The following LAMP1 variants were observed in gnomAD, a reference collection of about 807,000 sequenced individuals.
LAMP1 encodes the protein lysosome associated membrane protein 1, also known as lysosome-associated membrane glycoprotein 1.
In LAMP1, 7 loss-of-function variants were observed where a neutral mutation model predicts 37.5. The ratio of observed to expected loss-of-function variants is 0.19; its 90% CI spans 0.11 to 0.35. The LOEUF (loss-of-function observed/expected upper bound fraction) is 0.35, where lower values mean the gene tolerates loss of function less well. Among genes scored for constraint, LAMP1 ranks in the 10% least tolerant of loss-of-function variants. LAMP1 has a pLI of 1.00. For synonymous variants in LAMP1, 236 were observed against 229.1 expected, an observed-to-expected ratio of 1.03 and a Z score of -0.27; for missense variants, 537 against 552.8, an observed-to-expected ratio of 0.97 and a Z score of 0.29.
chr13:113,323,105 C>A lies in LAMP1; in HGVS notation c.*684C>A, dbSNP rs2042715181. On this transcript the variant is annotated 3_prime_UTR_variant, in exon 9 of 9. Coordinates refer to ENST00000332556, the MANE Select transcript of LAMP1 (RefSeq NM_005561.4). ...ACTCCAGAGATGAGTGTCTGGAGCG[C>A]TTCAGTTCAGCTTTAAAGGCCAGGA... 1 of 152,200 alleles carries A rather than the reference C, an allele frequency of 6.6e-6. No individual in the cohort carries two copies. 9.4% of individuals were successfully genotyped at this position (152,200 alleles called of 1,614,324 possible).
intron 1 of LAMP1, among the ~76,000 whole-genome samples, chr13:113,301,492 G>A (rs896435577): frequency 6.6e-6 from 1 of 151,482 alleles, no homozygotes; most frequent in Non-Finnish European, 1.5e-5. Context: ...GCATGGTGGC[G>A]TACCCCTGTA....
intron 4 of LAMP1, 111 bp downstream of exon 4, chr13:113,310,978 C>G (rs1002297108): frequency 1.2e-6 from 1 of 860,958 alleles, no homozygotes; most frequent in Non-Finnish European, 1.8e-6. Flanking sequence ...GCCTGGAACG[C>G]GTGTGCACAC....
intron 4 of LAMP1, among the ~76,000 whole-genome samples, chr13:113,314,884 C>T (rs533004221): frequency 8.5e-4 from 102 of 120,544 alleles, no homozygotes; most frequent in African/African-American, 3.0e-3. Flanking sequence ...GTGCCTGGGG[C>T]GTGGCCTCCT....
chr13:113,320,486 C>T lies in LAMP1; in HGVS notation c.876+16C>T. On this transcript the variant is annotated intron_variant, in intron 6 of 8. Coordinates refer to ENST00000332556, the MANE Select transcript of LAMP1 (RefSeq NM_005561.4). The surrounding 1 kb of genome is among the most constrained non-coding windows in gnomAD (Gnocchi z 4.4). ...GTTCGGGATGGTGAGGCTGGGGCGGCACCTCTCTGGGGGCGCCCACTGTGT... is the reference window on the plus strand; with the variant it reads ...GTTCGGGATGGTGAGGCTGGGGCGGTACCTCTCTGGGGGCGCCCACTGTGT... The T allele has an allele frequency of 6.2e-7, 1 of 1,602,990 alleles. No homozygotes were observed. The highest frequency in any genetic ancestry group is 8.5e-7 in the Non-Finnish European group (1 of 1,178,762).
At chr13:113,316,698 G>A (rs1030647608) in intron 4 of LAMP1, among the ~76,000 whole-genome samples, 2 of 152,066 alleles carry the variant, frequency 1.3e-5, no homozygotes, top group Non-Finnish European at 2.9e-5. Flanking sequence ...TGGGATTACA[G>A]GCGTGAGCCA....
chr13:113,306,834 C>CCTTTTTTTT, intron 2 of LAMP1, among the ~76,000 whole-genome samples: 1 of 80,160 alleles, frequency 1.2e-5, no homozygotes, highest in South Asian at 5.8e-4. Flanking sequence ...GAACATTTTC[C>CCTTTTTTTT]TTTTTTTTTT....
chr13:113,301,993 C>T (rs1328665901), intron 1 of LAMP1, among the ~76,000 whole-genome samples: 1 of 148,594 alleles, frequency 6.7e-6, no homozygotes, highest in Non-Finnish European at 1.5e-5. Flanking sequence ...CTCCCGAGTA[C>T]CAGGGATTAC....
intron 1 of LAMP1, among the ~76,000 whole-genome samples, chr13:113,300,506 GAAAA>G (rs1340138428): frequency 1.5e-5 from 2 of 134,226 alleles, no homozygotes; most frequent in South Asian, 2.4e-4. Context: ...AAAAAAAAAA[GAAAA>G]AGAAAAGAAA....
intron 1 of LAMP1, among the ~76,000 whole-genome samples, chr13:113,304,089 A>T (rs749518174): frequency 1.3e-5 from 2 of 152,006 alleles, no homozygotes; most frequent in Non-Finnish European, 2.9e-5. Context: ...AAAAGCTGAA[A>T]CCCTCAGCAT....
rs2042694662 is a variant in LAMP1, at chr13:113,320,782, C to A, written c.876+312C>A. The A allele has an allele frequency of 7.7e-6, 3 of 391,320 alleles. No homozygotes were observed. In the South Asian group the frequency reaches 1.2e-4, roughly 16 times the overall value. 24.2% of individuals were successfully genotyped at this position (391,320 alleles called of 1,614,324 possible). On this transcript the variant is annotated intron_variant, in intron 6 of 8. Coordinates refer to ENST00000332556, the MANE Select transcript of LAMP1 (RefSeq NM_005561.4). This position sits in a 1 kb window ranked among gnomAD's most constrained non-coding sequence, Gnocchi z 4.4. ...TGTGGTTCCGTGGTGGCATTTCTGC[C>A]TGGGAGGACTCCTGTGCAGTTAGCA...
intron 3 of LAMP1, 54 bp from the exon 4 acceptor site, chr13:113,310,638 TAAAATAAAAAACACATA>T: frequency 1.6e-6 from 2 of 1,232,420 alleles, no homozygotes; most frequent in South Asian, 3.2e-5. Context: ...ACATCAGGGC[TAAAATAAAAAACACATA>T]AACTAAGTAC....
chr13:113,299,630 G>A (rs1367679889), intron 1 of LAMP1, among the ~76,000 whole-genome samples: 10 of 148,218 alleles, frequency 6.7e-5, no homozygotes, highest in East Asian at 2.0e-4. Context: ...GTGCAGTGGC[G>A]TGATCTCCGT....
intron 1 of LAMP1, among the ~76,000 whole-genome samples, chr13:113,301,644 A>AAT (rs1178393830): frequency 6.0e-3 from 23 of 3,862 alleles, no homozygotes; most frequent in African/African-American, 0.014. Context: ...AAAAAAAAAA[A>AAT]ATATATATAT....
intron 1 of LAMP1, among the ~76,000 whole-genome samples, chr13:113,301,639 AAAAAAATATATATATATAT>A (rs1390038904): frequency 0.021 from 640 of 31,150 alleles, 41 homozygotes; most frequent in African/African-American, 0.048. Flanking sequence ...AAAAAAAAAA[AAAAAAATATATATATATAT>A]ATATATATAT....
intron 1 of LAMP1, chr13:113,306,236 A>C: frequency 3.4e-6 from 1 of 297,992 alleles, no homozygotes; most frequent in East Asian, 8.3e-5. Flanking sequence ...ACGTGCCTGC[A>C]GTTCCAGCTA....
At chr13:113,302,972 G>A (rs76445132) in intron 1 of LAMP1, among the ~76,000 whole-genome samples, 2,535 of 152,368 alleles carry the variant, frequency 0.017, 26 homozygotes, top group Admixed American at 0.025. Context: ...TGCATTCCAA[G>A]TGCTTGTTAA....
Position 113,321,565 on chromosome 13 carries a change from T to C in LAMP1, c.952T>C (p.Phe318Leu). The change falls in exon 8 of 9, where the codon TTT becomes CTT. Residue 318 changes from phenylalanine (F) to leucine (L), a missense_variant. By Grantham distance (22) the Phe-to-Leu change is conservative. Transcript: ENST00000332556. This position sits in a 1 kb window ranked among gnomAD's most constrained non-coding sequence, Gnocchi z 5.6. ...CTCTGTGTGTGTTGCAGACCCTGCC[T>C]TTAAAGCTGCCAACGGCTCCCTGCG... ...TILPDARDPA[F>L]KAANGSLRAL... The C allele has an allele frequency of 6.2e-7, 1 of 1,613,914 alleles. No homozygotes were observed. The highest frequency in any genetic ancestry group is 2.2e-5 in the East Asian group (1 of 44,690).
intron 4 of LAMP1, among the ~76,000 whole-genome samples, chr13:113,312,662 G>A (rs1032678207): frequency 5.9e-5 from 9 of 152,214 alleles, no homozygotes; most frequent in African/African-American, 1.7e-4. Context: ...CCCGGGGGCC[G>A]TGGTGACAGC....
Position 113,297,549 on chromosome 13 carries a change from C to A in LAMP1, c.61+54C>A, listed in dbSNP as rs958783770. 8.2e-7 allele frequency: 1 copy of A among 1,215,662 alleles called. No homozygotes were observed. The highest frequency in any genetic ancestry group is 3.2e-5 in the East Asian group (1 of 30,826). The allele number at this position is 1,215,662 out of a possible 1,614,324, so 75.3% of individuals were successfully genotyped here. On this transcript the variant is annotated intron_variant, in intron 1 of 8. Coordinates refer to ENST00000332556, the MANE Select transcript of LAMP1 (RefSeq NM_005561.4). The surrounding 1 kb of genome is among the most constrained non-coding windows in gnomAD (Gnocchi z 4.4). ...CGGCGGGACCGGGCGGAGCCGAGGT[C>A]CCTGGGTCTTGAGGGCGGGGGACTG...
Sources: allele counts gnomAD v4.1 joint callset (sites outside exome capture counted in the v4.1 genomes callset), GRCh38; gene constraint gnomAD v4.1.1; non-coding constraint Gnocchi (gnomAD v3.1); transcripts MANE v1.5; gene names NCBI Gene and HGNC (gene_info 2026-07-23, HGNC 2026-07-21).